Variants in SNX27 observed in about 807,000 individuals in gnomAD.
SNX27 encodes sorting nexin 27, also known as sorting nexin-27.
SNX27 carries 22 observed loss-of-function variants against 71.6 expected under a neutral mutation model. The ratio of observed to expected loss-of-function variants is 0.31; its 90% CI spans 0.22 to 0.44. The LOEUF is 0.44. Ranked by LOEUF, SNX27 falls within the 20% of genes least tolerant of loss-of-function variation. The pLI, the probability that SNX27 is intolerant of heterozygous loss-of-function variation, is 1.00. For synonymous variants in SNX27, 269 were observed against 277.2 expected, an observed-to-expected ratio of 0.97 and a Z score of 0.29; for missense variants, 531 against 698.6, an observed-to-expected ratio of 0.76 and a Z score of 2.70.
At position 151,683,398 on chromosome 1, in the gene SNX27, A is replaced by G. The variant is rs763234227; in HGVS notation, c.1192A>G (p.Lys398Glu). 1.2e-6 allele frequency: 2 copies of G among 1,613,984 alleles called. No homozygotes were observed. Among genetic ancestry groups the G allele is most frequent in the Non-Finnish European group, 1.7e-6 (2 of 1,179,988 alleles). ...GAAAGGTTACATCAAAGCAGAAGAA[A>G]AGTCCTATCAATTACAGAAGCTATA... The part of the protein sequence containing the change: ...VKKGYIKAEE[K>E]SYQLQKLYEQ... Residue 398 changes from lysine to glutamate, a missense_variant, in exon 8 of 12, where the codon AAG becomes GAG. Lys to Glu is a moderately conservative substitution (Grantham distance 56). This residue lies in a region of SNX27 where 157 missense variants were observed against 178.4 expected (regional missense o/e 0.88). Coordinates refer to ENST00000458013, the MANE Select transcript of SNX27 (RefSeq NM_001330723.2).
intron 8 of SNX27, among the ~76,000 whole-genome samples, chr1:151,684,382 G>T (rs544635014): frequency 6.6e-6 from 1 of 152,308 alleles, no homozygotes; most frequent in East Asian, 1.9e-4. Flanking sequence ...GACTGTGCAG[G>T]TATAGAACAT....
chr1:151,629,212 T>A (rs1007475482), intron 1 of SNX27: 4 of 152,124 alleles, frequency 2.6e-5, no homozygotes, highest in Non-Finnish European at 4.4e-5. Flanking sequence ...GTTAAATTAT[T>A]GTACTACAAT....
At chr1:151,650,605 A>T (rs1669279388) in intron 2 of SNX27, among the ~76,000 whole-genome samples, 1 of 150,978 alleles carries the variant, frequency 6.6e-6, no homozygotes, top group African/African-American at 2.4e-5. Flanking sequence ...TTTTTTTTTA[A>T]AATTTATTTA....
intron 5 of SNX27, among the ~76,000 whole-genome samples, chr1:151,665,630 A>G (rs1384410512): frequency 6.6e-6 from 1 of 152,174 alleles, no homozygotes; most frequent in Non-Finnish European, 1.5e-5. Flanking sequence ...TTAGAGAGGG[A>G]AGCTGATATT....
chr1:151,646,160 T>TA (rs2102648627), intron 2 of SNX27, among the ~76,000 whole-genome samples: 1 of 152,284 alleles, frequency 6.6e-6, no homozygotes, highest in African/African-American at 2.4e-5. Flanking sequence ...TATGAGCCAC[T>TA]AACATATAGC....
chr1:151,658,778 G>A (rs1040626737), intron 3 of SNX27, among the ~76,000 whole-genome samples: 7 of 152,072 alleles, frequency 4.6e-5, no homozygotes, highest in Non-Finnish European at 1.0e-4. Flanking sequence ...TCTGCCTCCT[G>A]GGTTCAAGTG....
chr1:151,692,361 T>TATTGTGTTTA, intron 8 of SNX27, 74 bp from the exon 9 acceptor site: 1 of 1,439,384 alleles, frequency 6.9e-7, no homozygotes, highest in Non-Finnish European at 9.1e-7. Flanking sequence ...AATAGCTCTT[T>TATTGTGTTTA]ATTGTGTTTA....
intron 1 of SNX27, among the ~76,000 whole-genome samples, chr1:151,620,059 CA>C (rs1221272512): frequency 6.6e-6 from 1 of 152,002 alleles, no homozygotes; most frequent in African/African-American, 2.4e-5. Flanking sequence ...AGAGAAGGGG[CA>C]AGGATTTTAT....
chr1:151,641,622 T>TCATATGTATC (rs1376559498), intron 2 of SNX27, among the ~76,000 whole-genome samples: 1 of 124,772 alleles, frequency 8.0e-6, no homozygotes, highest in African/African-American at 3.0e-5. Context: ...TATATATATA[T>TCATATGTATC]ATATATATCA....
intron 2 of SNX27, among the ~76,000 whole-genome samples, chr1:151,645,035 G>T (rs2102646736): frequency 6.6e-6 from 1 of 152,112 alleles, no homozygotes; most frequent in South Asian, 2.1e-4. Context: ...CCTGACCTCA[G>T]GTAATCCACC....
At chr1:151,630,095 A>G (rs1203495010) in intron 1 of SNX27, among the ~76,000 whole-genome samples, 1 of 148,014 alleles carries the variant, frequency 6.8e-6, no homozygotes, top group Non-Finnish European at 1.5e-5. Context: ...TGGGCGACAG[A>G]GTGAGACTTT....
intron 7 of SNX27, among the ~76,000 whole-genome samples, chr1:151,681,233 A>ATTTTTT (rs1558071789): frequency 2.3e-5 from 2 of 87,376 alleles, no homozygotes; most frequent in African/African-American, 5.0e-5. Flanking sequence ...TAGTCTCTCA[A>ATTTTTT]TCTTTTTTTT....
At chr1:151,653,592 C>T (rs997332758) in intron 2 of SNX27, among the ~76,000 whole-genome samples, 1 of 152,108 alleles carries the variant, frequency 6.6e-6, no homozygotes. Context: ...AATAATGGCT[C>T]TTTGCAGCCT....
intron 7 of SNX27, chr1:151,680,371 G>GGACCATCTTGAACATCAAGACCA (rs1670886225): frequency 6.6e-6 from 1 of 152,082 alleles, no homozygotes; most frequent in Non-Finnish European, 1.5e-5. Context: ...GGCCAGGCTG[G>GGACCATCTTGAACATCAAGACCA]TCTTGAACTC....
At chr1:151,649,812 C>G (rs1271543285) in intron 2 of SNX27, among the ~76,000 whole-genome samples, 2 of 152,066 alleles carry the variant, frequency 1.3e-5, no homozygotes, top group Non-Finnish European at 2.9e-5. Flanking sequence ...CTCAAGTGAT[C>G]CTCCTGACTC....
chr1:151,642,094 C>T (rs111396390), intron 2 of SNX27, among the ~76,000 whole-genome samples: 1,839 of 151,074 alleles, frequency 0.012, 43 homozygotes, highest in African/African-American at 0.042. Context: ...ATAAGCCAGG[C>T]GCAGTGGTTC....
chr1:151,695,910 A>G lies in SNX27; in HGVS notation c.*1493A>G, dbSNP rs996847024. ...ATTCTCTGTGACTTCCTTAAACAGCAGTGATGGGAAGGGATCCAATAGTAT... is the reference window on the plus strand; with the variant it reads ...ATTCTCTGTGACTTCCTTAAACAGCGGTGATGGGAAGGGATCCAATAGTAT... On this transcript the variant is annotated 3_prime_UTR_variant, in exon 12 of 12. Coordinates refer to ENST00000458013, the MANE Select transcript of SNX27 (RefSeq NM_001330723.2). 1 of 152,350 alleles carries G rather than the reference A, an allele frequency of 6.6e-6. No homozygotes were observed. The highest frequency in any genetic ancestry group is 2.4e-5 in the African/African-American group (1 of 41,460). 9.4% of individuals were successfully genotyped at this position (152,350 alleles called of 1,614,324 possible). A position where few individuals can be genotyped will look rare whatever the true frequency, so the allele number is the denominator to read the frequency against.
chr1:151,664,009 A>G (rs1038209766), intron 5 of SNX27, among the ~76,000 whole-genome samples: 1 of 151,394 alleles, frequency 6.6e-6, no homozygotes, highest in Non-Finnish European at 1.5e-5. Flanking sequence ...CTTGAAATAG[A>G]TAATTTCCCA....
At chr1:151,626,699 CTAAA>C (rs71090202) in intron 1 of SNX27, among the ~76,000 whole-genome samples, 31 of 151,012 alleles carry the variant, frequency 2.1e-4, no homozygotes, top group African/African-American at 4.4e-4. Context: ...AAGACTCCGT[CTAAA>C]TAAATAAATA....
Sources: gnomAD v4.1 joint callset for allele counts (sites outside exome capture counted in the v4.1 genomes callset) on GRCh38, gnomAD v4.1.1 for gene constraint, gnomAD v4.1.1 regional missense constraint, MANE v1.5 for transcripts, NCBI Gene and HGNC (gene_info 2026-07-23, HGNC 2026-07-21) for gene names.